The following UTRN variants were observed in gnomAD, a reference collection of about 807,000 sequenced individuals.
The protein encoded by UTRN is dystrophin-related protein 1.
In UTRN, 283 loss-of-function variants were observed where a neutral mutation model predicts 463.9. The observed-to-expected ratio is 0.61, with a 90% CI of 0.55 to 0.67. UTRN has a LOEUF of 0.67. Ranked by LOEUF, UTRN falls within the 30% of genes least tolerant of loss-of-function variation. UTRN has a pLI of 0.00. For missense variants in UTRN, 3,922 were observed against 4,084.3 expected, an observed-to-expected ratio of 0.96 and a Z score of 1.08; for synonymous variants, 1,442 against 1,431.5, an observed-to-expected ratio of 1.01 and a Z score of -0.17.
chr6:144,646,195 G>C (rs56185703), intron 51 of UTRN, among the ~76,000 whole-genome samples: 29,296 of 152,070 alleles, frequency 0.19, 2,966 homozygotes, highest in Admixed American at 0.28. Flanking sequence ...TATTCGGCTT[G>C]AAAAGTTATT....
At chr6:144,303,255 T>A (rs924870736) in intron 2 of UTRN, among the ~76,000 whole-genome samples, 2 of 152,214 alleles carry the variant, frequency 1.3e-5, no homozygotes, top group African/African-American at 4.8e-5. Context: ...AAAGCCTCAA[T>A]GTAAACTTCG....
chr6:144,632,017 A>G (rs1419390451), intron 51 of UTRN, among the ~76,000 whole-genome samples: 1 of 152,202 alleles, frequency 6.6e-6, no homozygotes, highest in Admixed American at 6.5e-5. Flanking sequence ...GGGAAGCGCC[A>G]GGGTCCATCA....
intron 51 of UTRN, among the ~76,000 whole-genome samples, chr6:144,636,944 C>T (rs1777236193): frequency 1.3e-5 from 2 of 151,884 alleles, no homozygotes; most frequent in South Asian, 2.1e-4. Flanking sequence ...TGGTTGAAAT[C>T]GTGCTTCTTT....
chr6:144,548,972 G>GT lies in UTRN; in HGVS notation c.6810+119dup. The GT allele has an allele frequency of 3.8e-6, 4 of 1,051,832 alleles. No homozygotes were observed. The South Asian group carries it at 5.1e-5, about 13-fold the overall frequency. The allele number at this position is 1,051,832 out of a possible 1,614,324, so 65.2% of individuals were successfully genotyped here. A position where few individuals can be genotyped will look rare whatever the true frequency, so the allele number is the denominator to read the frequency against. ...GAGAGAATGAGGTTTAAAAAATTCT[G>GT]TATCTGTCAAACAACCATTCAGGGC... On this transcript the variant is annotated intron_variant, in intron 47 of 74. Transcript: ENST00000367545.
intron 51 of UTRN, among the ~76,000 whole-genome samples, chr6:144,630,225 G>T (rs1426522879): frequency 1.3e-5 from 2 of 152,086 alleles, no homozygotes; most frequent in Non-Finnish European, 2.9e-5. Flanking sequence ...TTCTGATTGG[G>T]AGTTACTAAG....
At chr6:144,453,525 G>T (rs2128558149) in intron 18 of UTRN, among the ~76,000 whole-genome samples, 1 of 152,110 alleles carries the variant, frequency 6.6e-6, no homozygotes, top group South Asian at 2.1e-4. Flanking sequence ...GCGTACTCAG[G>T]GTATGTATGT....
intron 65 of UTRN, among the ~76,000 whole-genome samples, chr6:144,809,849 TC>T (rs759253332): frequency 2.9e-4 from 44 of 152,178 alleles, no homozygotes; most frequent in Non-Finnish European, 2.5e-4. Flanking sequence ...AATATCTTCT[TC>T]CCATCTTAGT....
intron 2 of UTRN, among the ~76,000 whole-genome samples, chr6:144,381,015 T>G (rs1780861971): frequency 6.6e-6 from 1 of 152,138 alleles, no homozygotes; most frequent in South Asian, 2.1e-4. Flanking sequence ...GAAGGATTTC[T>G]TTTTTAAACT....
At chr6:144,681,600 G>A (rs1782199916) in intron 52 of UTRN, among the ~76,000 whole-genome samples, 1 of 151,914 alleles carries the variant, frequency 6.6e-6, no homozygotes, top group African/African-American at 2.4e-5. Flanking sequence ...TCTGATTGCA[G>A]AGGACTAAAG....
chr6:144,829,653 G>T (rs548795915), intron 69 of UTRN, among the ~76,000 whole-genome samples: 1 of 151,470 alleles, frequency 6.6e-6, no homozygotes, highest in African/African-American at 2.4e-5. Context: ...TGGATCTGAT[G>T]GGAATCTGTA....
Position 144,345,906 on chromosome 6 carries a change from G to A in UTRN, c.79+53999G>A, listed in dbSNP as rs183944632. Among the ~76,000 whole-genome samples the A allele has an allele frequency of 3.1e-3, 467 of 152,218 alleles. 1 individual carries two copies. Among genetic ancestry groups the A allele is most frequent in the African/African-American group, 0.011 (455 of 41,536 alleles). ...TAATAAGCAGGCTTTGGCCGGGGGC[G>A]GTGGCTCACGCCTGTAATCCCAGCA... On this transcript the variant is annotated intron_variant, in intron 2 of 74. Coordinates refer to ENST00000367545, the MANE Select transcript of UTRN (RefSeq NM_007124.3).
chr6:144,406,675 C>T (rs991276420), intron 3 of UTRN, among the ~76,000 whole-genome samples: 7 of 152,172 alleles, frequency 4.6e-5, no homozygotes, highest in African/African-American at 1.4e-4. Flanking sequence ...CCTCCCCTTC[C>T]ATTTTCAAGA....
intron 2 of UTRN, among the ~76,000 whole-genome samples, chr6:144,360,084 TCCCTTCCCTCCCCTCCCCTC>T (rs1391716008): frequency 1.1e-5 from 1 of 87,834 alleles, no homozygotes; most frequent in East Asian, 3.7e-4. Context: ...TCCCTTCCCT[TCCCTTCCCTCCCCTCCCCTC>T]CCCTCCCCCC....
chr6:144,417,582 C>CT (rs1308964070), intron 3 of UTRN, among the ~76,000 whole-genome samples: 1 of 152,110 alleles, frequency 6.6e-6, no homozygotes, highest in African/African-American at 2.4e-5. Flanking sequence ...TTTCTACTGC[C>CT]TGTTTCCGTA....
intron 17 of UTRN, among the ~76,000 whole-genome samples, chr6:144,450,972 G>A (rs975240345): frequency 6.6e-6 from 1 of 152,086 alleles, no homozygotes; most frequent in Non-Finnish European, 1.5e-5. Flanking sequence ...AATTAGCTGG[G>A]TGTGGTGGTG....
intron 51 of UTRN, among the ~76,000 whole-genome samples, chr6:144,612,230 G>T (rs551844872): frequency 3.2e-4 from 48 of 152,126 alleles, no homozygotes; most frequent in African/African-American, 1.1e-3. Flanking sequence ...AACTTCAAAT[G>T]GATTAAAGAC....
chr6:144,737,529 G>A (rs770261488), intron 54 of UTRN, among the ~76,000 whole-genome samples: 20 of 152,228 alleles, frequency 1.3e-4, no homozygotes, highest in Middle Eastern at 3.4e-3. Context: ...GAAGGCATAG[G>A]AATTTATATT....
intron 54 of UTRN, among the ~76,000 whole-genome samples, chr6:144,732,311 TA>T (rs1301214040): frequency 5.6e-5 from 8 of 142,878 alleles, no homozygotes; most frequent in African/African-American, 2.1e-4. Context: ...TATATATATA[TA>T]AAAAATGTAT....
chr6:144,645,365 G>A (rs899960088), intron 51 of UTRN, among the ~76,000 whole-genome samples: 1 of 152,068 alleles, frequency 6.6e-6, no homozygotes, highest in Non-Finnish European at 1.5e-5. Context: ...ATACTGTTTT[G>A]TTATAAAGTA....
Sources: gnomAD v4.1 joint callset for allele counts (sites outside exome capture counted in the v4.1 genomes callset) on GRCh38, gnomAD v4.1.1 for gene constraint, MANE v1.5 for transcripts, NCBI Gene and HGNC (gene_info 2026-07-23, HGNC 2026-07-21) for gene names.